Variants in ALOX12B observed in about 807,000 individuals in gnomAD.
ALOX12B encodes the protein arachidonate 12-lipoxygenase, 12R-type.
ALOX12B carries 47 observed loss-of-function variants against 78.9 expected under a neutral mutation model. That is an observed-to-expected ratio of 0.60 (90% confidence interval 0.47 to 0.76). The LOEUF (loss-of-function observed/expected upper bound fraction) is 0.76, where lower values mean the gene tolerates loss of function less well. Ranked by LOEUF, ALOX12B falls within the 30% of genes least tolerant of loss-of-function variation. The pLI, the probability that ALOX12B is intolerant of heterozygous loss-of-function variation, is 0.00. For missense variants in ALOX12B, 805 were observed against 922.6 expected, an observed-to-expected ratio of 0.87 and a Z score of 1.65; for synonymous variants, 370 against 374.5, an observed-to-expected ratio of 0.99 and a Z score of 0.14.
At chr17:8,078,369 G>T (rs1183249343) in intron 8 of ALOX12B, among the ~76,000 whole-genome samples, 1 of 150,544 alleles carries the variant, frequency 6.6e-6, no homozygotes, top group Non-Finnish European at 1.5e-5. Context: ...AGCTGGTCTT[G>T]AGCTCCTGAC....
At chr17:8,077,227 G>A (rs1235325002) in intron 8 of ALOX12B, 34 bp from the exon 9 acceptor site, 2 of 1,580,846 alleles carry the variant, frequency 1.3e-6, no homozygotes, top group Non-Finnish European at 1.7e-6. Context: ...GTTGGGTGAG[G>A]GCAGAGACCC....
rs138503921 is a variant in ALOX12B, at chr17:8,081,169, T to A, written c.371A>T (p.Asp124Val). 18 of 1,613,288 alleles carry A rather than the reference T, an allele frequency of 1.1e-5. No homozygotes were observed. Among genetic ancestry groups the A allele is most frequent in the Non-Finnish European group, 1.4e-5 (17 of 1,179,900 alleles). The change falls in exon 3 of 15, where the codon GAC (aspartate) becomes GTC (valine). Residue 124 changes from aspartate (D) to valine (V), a missense_variant. Asp to Val is a radical substitution (Grantham distance 152). Coordinates refer to ENST00000647874, the MANE Select transcript of ALOX12B (RefSeq NM_001139.3). ...GTGCTCCAGGAGGACGGGGAGCGAGTCATCTGCTGTTGTCTTTCCTGTAGG... is the reference window on the plus strand; with the variant it reads ...GTGCTCCAGGAGGACGGGGAGCGAGACATCTGCTGTTGTCTTTCCTGTAGG... ...REATGKTTADDSLPVLLEHRK... is the reference protein window; with the variant it reads ...REATGKTTADVSLPVLLEHRK...
At position 8,080,598 on chromosome 17, in the gene ALOX12B, T is replaced by C; in HGVS notation, c.650+60A>G. The C allele has an allele frequency of 6.2e-7, 1 of 1,612,396 alleles. No individual in the cohort carries two copies. ...GGGCTGTCTTGGAGGCCGCCAAGGT[T>C]GGGGGAGAGGGAAAGTTCTTGCAGG... is the stretch of plus-strand genomic sequence containing the variant. On this transcript the variant is annotated intron_variant, in intron 5 of 14. Coordinates refer to ENST00000647874, the MANE Select transcript of ALOX12B (RefSeq NM_001139.3). This position sits in a 1 kb window ranked among gnomAD's most constrained non-coding sequence, Gnocchi z 4.8.
intron 2 of ALOX12B, among the ~76,000 whole-genome samples, chr17:8,084,346 T>C (rs1291407901): frequency 6.6e-6 from 1 of 152,038 alleles, no homozygotes. Context: ...CTGCCTCAGC[T>C]CATGTTGTAT....
intron 12 of ALOX12B, 59 bp downstream of exon 12, chr17:8,075,536 C>T (rs1381212572): frequency 1.7e-5 from 28 of 1,611,814 alleles, no homozygotes; most frequent in Admixed American, 1.2e-4. Flanking sequence ...AGCAGACCTG[C>T]CTGGGGGCTG....
At position 8,080,064 on chromosome 17, in the gene ALOX12B, T is replaced by A. The variant is rs1977177180; in HGVS notation, c.755-123A>T. 2 of 1,510,490 alleles carry A rather than the reference T, an allele frequency of 1.3e-6. No individual in the cohort carries two copies. Among genetic ancestry groups the A allele is most frequent in the East Asian group, 4.6e-5 (2 of 43,282 alleles). The allele number at this position is 1,510,490 out of a possible 1,614,324, so 93.6% of individuals were successfully genotyped here. ...GGGGAGGAAAACGAGGCCCCCAGCC[T>A]GGCGCTGAGCGGCCGGAGGAGCCCG... On this transcript the variant is annotated intron_variant, in intron 6 of 14. Coordinates refer to ENST00000647874, the MANE Select transcript of ALOX12B (RefSeq NM_001139.3). This position sits in a 1 kb window ranked among gnomAD's most constrained non-coding sequence, Gnocchi z 4.8.
At chr17:8,085,123 G>C (rs1207875080) in intron 2 of ALOX12B, among the ~76,000 whole-genome samples, 1 of 152,236 alleles carries the variant, frequency 6.6e-6, no homozygotes, top group African/African-American at 2.4e-5. Flanking sequence ...TCCTGTTAGA[G>C]AAATATGGTG....
chr17:8,083,071 G>A (rs1383723901), intron 2 of ALOX12B, among the ~76,000 whole-genome samples: 1 of 152,114 alleles, frequency 6.6e-6, no homozygotes, highest in African/African-American at 2.4e-5. Context: ...TTAACTCACT[G>A]GGTCTAACTA....
rs1167106722 is a variant in ALOX12B at position 8,080,199 on chromosome 17, C to T, written c.754+36G>A. On this transcript the variant is annotated intron_variant, in intron 6 of 14. Coordinates refer to ENST00000647874, the MANE Select transcript of ALOX12B (RefSeq NM_001139.3). The surrounding 1 kb of genome is among the most constrained non-coding windows in gnomAD (Gnocchi z 4.8). ...GCCTAGCACGCCGGAGACCGCCTGG[C>T]TCCCCCTGCTCGATCCGGGACGCCC... The T allele has an allele frequency of 6.2e-7, 1 of 1,605,206 alleles. No individual in the cohort carries two copies. The highest frequency in any genetic ancestry group is 8.5e-7 in the Non-Finnish European group (1 of 1,171,972).
At position 8,086,000 on chromosome 17, in the gene ALOX12B, G is replaced by A. The variant is rs749662469; in HGVS notation, c.352+16C>T. The A allele has an allele frequency of 1.2e-6, 2 of 1,613,482 alleles. No homozygotes were observed. The highest frequency in any genetic ancestry group is 1.1e-5 in the South Asian group (1 of 91,068). ...GCCTCACGGCCATAGGATGGAGCAGGGTGATGAGGGCTTACCTGTGGCCTC... is the reference window on the plus strand; with the variant it reads ...GCCTCACGGCCATAGGATGGAGCAGAGTGATGAGGGCTTACCTGTGGCCTC... On this transcript the variant is annotated intron_variant, in intron 2 of 14. Transcript: ENST00000647874.
At position 8,076,350 on chromosome 17, in the gene ALOX12B, AG is replaced by A; in HGVS notation, c.1363-7del. On this transcript the variant is annotated splice_polypyrimidine_tract_variant and splice_region_variant and intron_variant, in intron 10 of 14. Coordinates refer to ENST00000647874, the MANE Select transcript of ALOX12B (RefSeq NM_001139.3). The stretch of plus-strand genomic sequence containing the variant: ...TCCACGCCCAGGGACATGCCCTGTG[AG>A]GAAGGAGGCAGATCCTGGAGCCGGA... The A allele has an allele frequency of 6.3e-7, 1 of 1,594,930 alleles. No individual in the cohort carries two copies. Among genetic ancestry groups the A allele is most frequent in the Non-Finnish European group, 8.5e-7 (1 of 1,170,220 alleles).
At chr17:8,076,581 A>C in intron 10 of ALOX12B, 76 bp downstream of exon 10, 1 of 1,478,232 alleles carries the variant, frequency 6.8e-7, no homozygotes, top group Non-Finnish European at 9.3e-7. Context: ...GGCAAATGGG[A>C]AGTCCTCCTC....
Position 8,079,835 on chromosome 17 carries a change from G to C in ALOX12B, c.861C>G (p.Phe287Leu). The C allele has an allele frequency of 6.2e-7, 1 of 1,613,654 alleles. No homozygotes were observed. The highest frequency in any genetic ancestry group is 1.7e-5 in the Admixed American group (1 of 60,032). Residue 287 changes from phenylalanine to leucine, a missense_variant, in exon 7 of 15, where the codon TTC becomes TTG. Coordinates refer to ENST00000647874, the MANE Select transcript of ALOX12B (RefSeq NM_001139.3). The surrounding 1 kb of genome is among the most constrained non-coding windows in gnomAD (Gnocchi z 6.4). ...GAGCCACCATGTCGTCTGTGACGGG[G>C]AACTTGTCTGGGATCCGCGTGCAGC... ...IRRCTRIPDK[F>L]PVTDDMVAPF...
At chr17:8,085,712 T>C (rs1000038349) in intron 2 of ALOX12B, among the ~76,000 whole-genome samples, 1 of 151,874 alleles carries the variant, frequency 6.6e-6, no homozygotes, top group Admixed American at 6.6e-5. Flanking sequence ...CTTATAGGAG[T>C]CAGGGAGGAC....
chr17:8,086,035 C>G lies in ALOX12B; in HGVS notation c.333G>C (p.Leu111=), dbSNP rs1978296481. The change falls in exon 2 of 15, where the codon CTG becomes CTC. Residue 111 remains leucine (L), a synonymous_variant. Coordinates refer to ENST00000647874, the MANE Select transcript of ALOX12B (RefSeq NM_001139.3). ...GCTTACCTGTGGCCTCCCGGAGTGC[C>G]AGGGTCTCGTAGCCATCCATCCACT... ...AYQWMDGYET[L]ALREATGKTT... The G allele has an allele frequency of 5.0e-6, 8 of 1,614,144 alleles. No homozygotes were observed. Among genetic ancestry groups the G allele is most frequent in the African/African-American group, 1.3e-5 (1 of 75,042 alleles).
chr17:8,076,228 C>A lies in ALOX12B; in HGVS notation c.1479G>T (p.Leu493=). The A allele has an allele frequency of 4.3e-6, 7 of 1,614,160 alleles. No individual in the cohort carries two copies. The highest frequency in any genetic ancestry group is 5.9e-6 in the Non-Finnish European group (7 of 1,180,016). ...NDFVERGVQD[L]PGYYYRDDSL... ...TGTCATCGCGGTAGTAATATCCAGG[C>A]AGGTCCTGGACCCCACGCTCCACAA... The change falls in exon 11 of 15, where the codon CTG becomes CTT. Residue 493 remains leucine, a synonymous_variant. Coordinates refer to ENST00000647874, the MANE Select transcript of ALOX12B (RefSeq NM_001139.3).
Position 8,072,692 on chromosome 17 carries a change from G to T in ALOX12B, c.*79C>A. 6.3e-7 allele frequency: 1 copy of T among 1,576,274 alleles called. No individual in the cohort carries two copies. Among genetic ancestry groups the T allele is most frequent in the Non-Finnish European group, 8.7e-7 (1 of 1,146,848 alleles). ...TGGTGTTTTGGTCTCTGAGGTTTTT[G>T]TGTTTTTTGCTTGTTTGTTTTGTTT... On this transcript the variant is annotated 3_prime_UTR_variant, in exon 15 of 15. Coordinates refer to ENST00000647874, the MANE Select transcript of ALOX12B (RefSeq NM_001139.3).
chr17:8,078,534 G>T (rs957438205), intron 8 of ALOX12B, among the ~76,000 whole-genome samples: 4 of 149,998 alleles, frequency 2.7e-5, no homozygotes, highest in African/African-American at 9.8e-5. Context: ...ACTTTGGGAG[G>T]CTGAGGCGGG....
At chr17:8,086,303 G>T (rs969650110) in intron 1 of ALOX12B, 83 bp from the exon 2 acceptor site, 4 of 1,393,772 alleles carry the variant, frequency 2.9e-6, no homozygotes, top group African/African-American at 2.9e-5. Flanking sequence ...CCTCACCTAG[G>T]CCCTGCTCAT....
Sources: gnomAD v4.1 joint callset for allele counts (sites outside exome capture counted in the v4.1 genomes callset) on GRCh38, gnomAD v4.1.1 for gene constraint, Gnocchi (gnomAD v3.1) non-coding constraint, MANE v1.5 for transcripts, NCBI Gene and HGNC (gene_info 2026-07-23, HGNC 2026-07-21) for gene names.